Variants in KCNIP1 observed in about 807,000 individuals in gnomAD.
KCNIP1 encodes the protein potassium voltage-gated channel interacting protein 1.
Under a neutral mutation model 33.0 loss-of-function variants are expected in KCNIP1, and 18 were observed. That is an observed-to-expected ratio of 0.55 (90% confidence interval 0.38 to 0.81). The LOEUF is 0.81. Ranked by LOEUF, KCNIP1 falls within the 30% of genes least tolerant of loss-of-function variation. The probability of loss-of-function intolerance (pLI) is 0.00; values close to 1 mark genes in which losing one functional copy is unlikely to be tolerated. For missense variants in KCNIP1, 238 were observed against 271.6 expected (o/e 0.88, Z 0.87); for synonymous variants, 93 against 98.3 (o/e 0.95, Z 0.32).
At chr5:170,512,898 A>C (rs971211862) in intron 1 of KCNIP1, among the ~76,000 whole-genome samples, 2 of 152,054 alleles carry the variant, frequency 1.3e-5, no homozygotes, top group Non-Finnish European at 2.9e-5. Context: ...AAATACAAAA[A>C]AATTAGCCAG....
chr5:170,453,813 C>T (rs1756311736), intron 1 of KCNIP1, among the ~76,000 whole-genome samples: 2 of 152,204 alleles, frequency 1.3e-5, no homozygotes. Flanking sequence ...GGTGCTGAGA[C>T]TGGCATCCAG....
chr5:170,504,251 C>T lies in KCNIP1; in HGVS notation c.-322C>T. ...CCTCGGCCGGGCGGCCGCTCTGGCC[C>T]CGTGTCCAGTGCCAGGCAGGCTTCA... On this transcript the variant is annotated 5_prime_UTR_variant, in exon 1 of 8. Coordinates refer to ENST00000328939, the MANE Select transcript of KCNIP1 (RefSeq NM_014592.4). The surrounding 1 kb of genome is among the most constrained non-coding windows in gnomAD (Gnocchi z 6.0). The T allele has an allele frequency of 2.7e-6, 3 of 1,121,874 alleles. No individual in the cohort carries two copies. Among genetic ancestry groups the T allele is most frequent in the Non-Finnish European group, 3.3e-6 (3 of 918,882 alleles). The allele number at this position is 1,121,874 out of a possible 1,614,324, so 69.5% of individuals were successfully genotyped here.
chr5:170,611,636 G>A (rs1370927049), intron 1 of KCNIP1, among the ~76,000 whole-genome samples: 2 of 152,138 alleles, frequency 1.3e-5, no homozygotes, highest in African/African-American at 2.4e-5. Flanking sequence ...CCAGGAACCC[G>A]GCACACCCAC....
At chr5:170,730,636 C>T (rs528616748) in intron 5 of KCNIP1, among the ~76,000 whole-genome samples, 94 of 152,296 alleles carry the variant, frequency 6.2e-4, no homozygotes, top group African/African-American at 2.1e-3. Context: ...ACATCTATTT[C>T]CTCGTTCTAT....
chr5:170,584,301 G>A (rs1757906553), intron 1 of KCNIP1, among the ~76,000 whole-genome samples: 1 of 152,214 alleles, frequency 6.6e-6, no homozygotes, highest in African/African-American at 2.4e-5. Context: ...ATAAATGAAT[G>A]CAGAAACTGC....
chr5:170,354,907 TG>T (rs1763304919), intron 1 of KCNIP1, among the ~76,000 whole-genome samples: 1 of 152,108 alleles, frequency 6.6e-6, no homozygotes, highest in African/African-American at 2.4e-5. Context: ...CTTTGGGGGC[TG>T]GGGAGAGAGG....
intron 1 of KCNIP1, among the ~76,000 whole-genome samples, chr5:170,695,891 C>A (rs1455103341): frequency 6.6e-6 from 1 of 151,938 alleles, no homozygotes; most frequent in Non-Finnish European, 1.5e-5. Context: ...TGGTGGCATG[C>A]GCCTGTAATC....
chr5:170,595,965 T>C (rs941831455), intron 1 of KCNIP1, among the ~76,000 whole-genome samples: 4 of 152,140 alleles, frequency 2.6e-5, no homozygotes, highest in African/African-American at 7.2e-5. Context: ...GGTGGTGAGC[T>C]TCATCCAGAC....
intron 1 of KCNIP1, among the ~76,000 whole-genome samples, chr5:170,620,084 G>A (rs1759543547): frequency 6.6e-6 from 1 of 152,214 alleles, no homozygotes; most frequent in Admixed American, 6.5e-5. Flanking sequence ...AAAAATGGAA[G>A]TAAAATTATT....
intron 1 of KCNIP1, among the ~76,000 whole-genome samples, chr5:170,364,176 T>A (rs993544885): frequency 3.3e-5 from 5 of 152,036 alleles, no homozygotes; most frequent in African/African-American, 9.7e-5. Context: ...ACTAATTTTT[T>A]AAAATTTTTT....
intron 1 of KCNIP1, among the ~76,000 whole-genome samples, chr5:170,526,113 G>A (rs1435324180): frequency 6.6e-6 from 1 of 152,160 alleles, no homozygotes; most frequent in Non-Finnish European, 1.5e-5. Flanking sequence ...GCCTGTGGCT[G>A]GGATTGAGAC....
At chr5:170,584,423 G>A (rs939393070) in intron 1 of KCNIP1, among the ~76,000 whole-genome samples, 2 of 152,300 alleles carry the variant, frequency 1.3e-5, no homozygotes, top group South Asian at 2.1e-4. Context: ...AGATAAGAAC[G>A]GCAGGGGAGA....
At chr5:170,451,818 G>A (rs1361199594) in intron 1 of KCNIP1, among the ~76,000 whole-genome samples, 3 of 147,574 alleles carry the variant, frequency 2.0e-5, no homozygotes, top group Non-Finnish European at 4.4e-5. Context: ...TCCGTGACTG[G>A]GCATGTCTCA....
At chr5:170,441,997 T>C (rs934491166) in intron 1 of KCNIP1, among the ~76,000 whole-genome samples, 4 of 150,450 alleles carry the variant, frequency 2.7e-5, no homozygotes, top group East Asian at 2.0e-4. Flanking sequence ...TGCTGACTAC[T>C]GTTTACTACA....
At chr5:170,726,969 G>C (rs1225076547) in intron 5 of KCNIP1, among the ~76,000 whole-genome samples, 2 of 151,756 alleles carry the variant, frequency 1.3e-5, no homozygotes, top group Non-Finnish European at 2.9e-5. Flanking sequence ...ACCCCCAAAA[G>C]AAAAATATGT....
Position 170,719,034 on chromosome 5 carries a change from C to T in KCNIP1, c.186+152C>T, listed in dbSNP as rs1763728398. ...AAAGGGGGCATGAGAGGGAGATCAC[C>T]TGGCTAGAAAGGAAGGCTCCAGGCG... On this transcript the variant is annotated intron_variant, in intron 2 of 7. Transcript: ENST00000328939. 6.6e-6 allele frequency: 7 copies of T among 1,057,176 alleles called. No individual in the cohort carries two copies. The Admixed American group carries it at 8.7e-5, about 13-fold the overall frequency. The allele number at this position is 1,057,176 out of a possible 1,614,324, so 65.5% of individuals were successfully genotyped here.
chr5:170,647,326 TGAA>T (rs1760824311), intron 1 of KCNIP1, among the ~76,000 whole-genome samples: 1 of 152,172 alleles, frequency 6.6e-6, no homozygotes, highest in Non-Finnish European at 1.5e-5. Flanking sequence ...AATTTAATAC[TGAA>T]GAAGAAGAAA....
intron 1 of KCNIP1, among the ~76,000 whole-genome samples, chr5:170,624,738 G>GGAGAGGGGAGGGGA: frequency 8.6e-6 from 1 of 116,874 alleles, no homozygotes; most frequent in South Asian, 3.9e-4. Context: ...GAGGTGGGGG[G>GGAGAGGGGAGGGGA]GGAGAGGGGA....
intron 1 of KCNIP1, among the ~76,000 whole-genome samples, chr5:170,519,742 A>T (rs1384688632): frequency 2.6e-5 from 4 of 152,166 alleles, no homozygotes; most frequent in Non-Finnish European, 5.9e-5. Flanking sequence ...AAAGGGAGGA[A>T]GGAAGGGAGA....
Sources: gnomAD v4.1 joint callset for allele counts (sites outside exome capture counted in the v4.1 genomes callset) on GRCh38, gnomAD v4.1.1 for gene constraint, Gnocchi (gnomAD v3.1) non-coding constraint, MANE v1.5 for transcripts, NCBI Gene and HGNC (gene_info 2026-07-23, HGNC 2026-07-21) for gene names.